Variants in LAMA2 observed in about 807,000 individuals in gnomAD.
The protein encoded by LAMA2 is laminin subunit alpha-2.
In LAMA2, 269 loss-of-function variants were observed where a neutral mutation model predicts 364.8. That is an observed-to-expected ratio of 0.74 (90% CI 0.67 to 0.82). LAMA2 has a LOEUF of 0.82. LAMA2 is among the 40% of genes least tolerant of loss of function. The pLI, the probability that LAMA2 is intolerant of heterozygous loss-of-function variation, is 0.00. For synonymous variants in LAMA2, 1,379 were observed against 1,370.6 expected (o/e 1.01, Z -0.14); for missense variants, 3,807 against 3,873.2 (o/e 0.98, Z 0.45).
chr6:128,991,290 T>A (rs930009412), intron 1 of LAMA2, among the ~76,000 whole-genome samples: 5 of 152,316 alleles, frequency 3.3e-5, no homozygotes, highest in African/African-American at 7.2e-5. Context: ...TTATATCAAC[T>A]GACACAGTCC....
intron 8 of LAMA2, among the ~76,000 whole-genome samples, chr6:129,161,888 T>TA (rs770061053): frequency 5.3e-5 from 8 of 152,192 alleles, no homozygotes; most frequent in Non-Finnish European, 8.8e-5. Flanking sequence ...ACATTTTCTT[T>TA]ATTCAGTCCA....
chr6:129,441,143 A>T, intron 43 of LAMA2, 145 bp downstream of exon 43: 2 of 751,778 alleles, frequency 2.7e-6, no homozygotes, highest in Non-Finnish European at 4.6e-6. Context: ...TCAGAAATTG[A>T]GTGTCATGCA....
chr6:128,971,929 A>T (rs574975461), intron 1 of LAMA2, among the ~76,000 whole-genome samples: 2 of 152,234 alleles, frequency 1.3e-5, no homozygotes, highest in South Asian at 4.1e-4. Flanking sequence ...AGGTCTCTGG[A>T]ATGATGCAGC....
At position 129,157,716 on chromosome 6, in the gene LAMA2, T is replaced by A. The variant is rs544683513; in HGVS notation, c.1206+3033T>A. ...TTTGACACACACAACCTCACGCATA[T>A]CTTCGTATGACGGATCACTCGGTAC... On this transcript the variant is annotated intron_variant, in intron 8 of 64. Transcript: ENST00000421865. 9.3e-4 allele frequency: 1,503 copies of A among 1,612,176 alleles called. 8 individuals carry two copies. Among genetic ancestry groups the A allele is most frequent in the Non-Finnish European group, 6.4e-5 (75 of 1,178,164 alleles).
At chr6:129,042,133 C>T (rs183903473) in intron 1 of LAMA2, among the ~76,000 whole-genome samples, 4 of 151,846 alleles carry the variant, frequency 2.6e-5, no homozygotes, top group Admixed American at 6.6e-5. Flanking sequence ...GGCAAAACCC[C>T]GTCTCTACTA....
chr6:128,935,277 C>G (rs1779750707), intron 1 of LAMA2, among the ~76,000 whole-genome samples: 1 of 139,906 alleles, frequency 7.1e-6, no homozygotes. Flanking sequence ...CATGTGTTCT[C>G]ATTGTTCAAC....
intron 30 of LAMA2, among the ~76,000 whole-genome samples, chr6:129,343,073 C>T (rs1033950471): frequency 1.3e-5 from 2 of 152,102 alleles, no homozygotes; most frequent in South Asian, 2.1e-4. Context: ...TATTTCAGTG[C>T]TGTCTGAACA....
rs9388670 is a variant in LAMA2, at chr6:128,901,512, G to A, written c.112+18155G>A. Among the ~76,000 whole-genome samples the A allele has an allele frequency of 5.0e-3, 756 of 152,094 alleles. 10 individuals carry two copies. Among genetic ancestry groups the A allele is most frequent in the East Asian group, 0.035 (179 of 5,176 alleles). ...CCATACTTAAAAGGTTAGTGAAGAG[G>A]CATAGAAAGAGTAGTGAAACAGTGA... On this transcript the variant is annotated intron_variant, in intron 1 of 64. Transcript: ENST00000421865.
intron 1 of LAMA2, among the ~76,000 whole-genome samples, chr6:128,958,336 T>C (rs1262543257): frequency 6.6e-6 from 1 of 152,152 alleles, no homozygotes; most frequent in East Asian, 1.9e-4. Context: ...ATGTTTAATA[T>C]ATTTTTATCT....
chr6:129,380,907 A>G (rs1403347160), intron 34 of LAMA2, among the ~76,000 whole-genome samples: 1 of 152,230 alleles, frequency 6.6e-6, no homozygotes, highest in Non-Finnish European at 1.5e-5. Context: ...CGTAAATGAA[A>G]TAACCTGTAC....
chr6:129,432,748 G>C (rs1176808024), intron 41 of LAMA2, among the ~76,000 whole-genome samples: 1 of 152,180 alleles, frequency 6.6e-6, no homozygotes, highest in Non-Finnish European at 1.5e-5. Context: ...ATGTCCTAGA[G>C]GAGCCAAATG....
Position 129,505,364 on chromosome 6 carries a change from C to T in LAMA2, c.8703+9C>T, listed in dbSNP as rs1785976469. On this transcript the variant is annotated intron_variant, in intron 61 of 64. Transcript: ENST00000421865. ...CCCGAAGAATTGGTCCAGTAAATAT[C>T]TGATTTCTTCTTTATTACTTAAATA... 6.2e-7 allele frequency: 1 copy of T among 1,603,596 alleles called. No homozygotes were observed. Among genetic ancestry groups the T allele is most frequent in the Non-Finnish European group, 8.5e-7 (1 of 1,170,626 alleles).
In LAMA2 at chr6:129,158,855, T is replaced by A. The variant is rs758564190; in HGVS notation, c.1206+4172T>A. On this transcript the variant is annotated intron_variant, in intron 8 of 64. Coordinates refer to ENST00000421865, the MANE Select transcript of LAMA2 (RefSeq NM_000426.4). ...AGCTAATGTGGTTTCTCCCTGGTCATCTTCTTCTATGATGGCAAAGCAACG... is the reference window on the plus strand; with the variant it reads ...AGCTAATGTGGTTTCTCCCTGGTCAACTTCTTCTATGATGGCAAAGCAACG... The A allele has an allele frequency of 1.6e-5, 26 of 1,613,824 alleles. No individual in the cohort carries two copies. The Admixed American group carries it at 3.2e-4, about 20-fold the overall frequency.
At chr6:129,019,646 T>C (rs1027437649) in intron 1 of LAMA2, among the ~76,000 whole-genome samples, 2 of 152,210 alleles carry the variant, frequency 1.3e-5, no homozygotes, top group African/African-American at 4.8e-5. Flanking sequence ...GCATTTGTCC[T>C]CCAGATTTTT....
chr6:129,051,294 A>G (rs1034335094), intron 2 of LAMA2, among the ~76,000 whole-genome samples: 3 of 148,244 alleles, frequency 2.0e-5, no homozygotes, highest in African/African-American at 7.3e-5. Context: ...ATTATTTTTA[A>G]TGAACAGATA....
chr6:129,200,111 C>T (rs866538333), intron 12 of LAMA2, among the ~76,000 whole-genome samples: 9 of 115,230 alleles, frequency 7.8e-5, no homozygotes, highest in South Asian at 3.1e-4. Flanking sequence ...TATGTGTACA[C>T]GTATATATAT....
At chr6:129,463,864 C>T (rs967806586) in intron 49 of LAMA2, among the ~76,000 whole-genome samples, 2 of 152,028 alleles carry the variant, frequency 1.3e-5, no homozygotes, top group African/African-American at 2.4e-5. Flanking sequence ...CCTCCTTAAT[C>T]GTCTGAATCT....
chr6:129,291,020 C>T (rs1043837860), intron 19 of LAMA2, among the ~76,000 whole-genome samples: 5 of 151,860 alleles, frequency 3.3e-5, no homozygotes, highest in Non-Finnish European at 5.9e-5. Flanking sequence ...AACACAAAAC[C>T]GGCACACAGT....
At chr6:129,247,904 C>T (rs1255792855) in intron 12 of LAMA2, among the ~76,000 whole-genome samples, 2 of 152,060 alleles carry the variant, frequency 1.3e-5, no homozygotes, top group African/African-American at 4.8e-5. Context: ...CCCTATTTTT[C>T]TGCGTATTTA....
Sources: allele counts gnomAD v4.1 joint callset (sites outside exome capture counted in the v4.1 genomes callset), GRCh38; gene constraint gnomAD v4.1.1; transcripts MANE v1.5; gene names NCBI Gene and HGNC (gene_info 2026-07-23, HGNC 2026-07-21).